Variants in SNX16 observed in about 807,000 individuals in gnomAD.
SNX16 encodes sorting nexin 16, also known as sorting nexin-16.
Under a neutral mutation model 36.7 loss-of-function variants are expected in SNX16, and 35 were observed. The observed-to-expected ratio is 0.95, with a 90% confidence interval of 0.73 to 1.27. The LOEUF (loss-of-function observed/expected upper bound fraction) is 1.27. Ranked by LOEUF, SNX16 falls within the 50% of genes most tolerant of loss-of-function variation. SNX16 has a pLI of 0.00. For synonymous variants in SNX16, 134 were observed against 132.0 expected (o/e 1.02, Z -0.10); for missense variants, 367 against 393.6 (o/e 0.93, Z 0.57).
intron 5 of SNX16, among the ~76,000 whole-genome samples, chr8:81,806,870 C>G (rs1379920811): frequency 6.6e-6 from 1 of 150,812 alleles, no homozygotes; most frequent in Non-Finnish European, 1.5e-5. Flanking sequence ...ATAAAAATAC[C>G]AATTATTTCA....
chr8:81,819,044 T>C lies in SNX16; in HGVS notation c.612-3650A>G, dbSNP rs1292660834. 2.0e-5 allele frequency among the ~76,000 whole-genome samples: 3 copies of C among 152,138 alleles called. No individual in the cohort carries two copies. The East Asian group carries it at 5.8e-4, about 29-fold the overall frequency. On this transcript the variant is annotated intron_variant, in intron 4 of 7. Coordinates refer to ENST00000345957, the MANE Select transcript of SNX16 (RefSeq NM_152836.3). ...TTTTCTTTAAAGCCATGAACTGCTA[T>C]TAATCCAGATCCATCCTGAACTTTA...
chr8:81,802,353 A>C (rs764872510), intron 7 of SNX16, 27 bp downstream of exon 7: 6 of 1,561,486 alleles, frequency 3.8e-6, no homozygotes, highest in Non-Finnish European at 2.6e-6. Flanking sequence ...TCAAGAATTA[A>C]GCTATCATAA....
intron 4 of SNX16, chr8:81,815,843 G>A (rs1015529066): frequency 6.5e-6 from 1 of 153,298 alleles, no homozygotes; most frequent in Non-Finnish European, 1.5e-5. Context: ...GACTGACCTT[G>A]CAATCATGTT....
At chr8:81,833,255 A>G (rs1231791027) in intron 2 of SNX16, among the ~76,000 whole-genome samples, 3 of 151,870 alleles carry the variant, frequency 2.0e-5, no homozygotes, top group African/African-American at 7.3e-5. Flanking sequence ...CTTCTATTGG[A>G]CAGTGCTGCC....
chr8:81,810,323 CAG>C (rs1224437660), intron 5 of SNX16, among the ~76,000 whole-genome samples: 1 of 151,984 alleles, frequency 6.6e-6, no homozygotes, highest in African/African-American at 2.4e-5. Context: ...AAATAGGGAA[CAG>C]AGAAAAGTAG....
intron 5 of SNX16, among the ~76,000 whole-genome samples, chr8:81,806,960 A>C (rs1002458235): frequency 6.7e-6 from 1 of 148,990 alleles, no homozygotes; most frequent in African/African-American, 2.5e-5. Context: ...TTAAAAAAAA[A>C]CCCTCCATAT....
intron 2 of SNX16, among the ~76,000 whole-genome samples, chr8:81,832,669 T>C (rs1811321390): frequency 6.6e-6 from 1 of 151,880 alleles, no homozygotes; most frequent in Non-Finnish European, 1.5e-5. Flanking sequence ...GTAGAAAAAC[T>C]TGGTTGAAGC....
At chr8:81,816,190 T>G (rs1322211036) in intron 4 of SNX16, among the ~76,000 whole-genome samples, 1 of 151,444 alleles carries the variant, frequency 6.6e-6, no homozygotes, top group African/African-American at 2.4e-5. Context: ...TCTTTTTTTT[T>G]TTTTTTAAGA....
chr8:81,814,010 T>C (rs1413918348), intron 5 of SNX16, among the ~76,000 whole-genome samples: 1 of 152,048 alleles, frequency 6.6e-6, no homozygotes, highest in East Asian at 1.9e-4. Context: ...CTTTATTGGT[T>C]TCTTTAAAAA....
At chr8:81,815,099 CT>C (rs1810421650) in intron 5 of SNX16, 1 of 233,526 alleles carries the variant, frequency 4.3e-6, no homozygotes, top group South Asian at 1.6e-4. Flanking sequence ...AATTTTAGAG[CT>C]TTATTGACTA....
In SNX16 at chr8:81,839,661, G is replaced by A. The variant is rs1811647553; in HGVS notation, c.326C>T (p.Thr109Ile). 1 of 1,613,800 alleles carries A rather than the reference G, an allele frequency of 6.2e-7. No homozygotes were observed. The highest frequency in any genetic ancestry group is 2.2e-5 in the East Asian group (1 of 44,860). The change falls in exon 2 of 8, where the codon ACA becomes ATA. Residue 109 changes from threonine to isoleucine, a missense_variant. Coordinates refer to ENST00000345957, the MANE Select transcript of SNX16 (RefSeq NM_152836.3). ...ETVNWEDRPS[T>I]PTILGYEVME... is the part of the protein sequence containing the mutation. ...CACTTCATAACCCAGTATAGTAGGT[G>A]TAGATGGTCTATCTTCCCAATTCAC...
At position 81,802,534 on chromosome 8, in the gene SNX16, T is replaced by C. The variant is rs781152016; in HGVS notation, c.819-35A>G. 14 of 1,576,572 alleles carry C rather than the reference T, an allele frequency of 8.9e-6. No homozygotes were observed. The South Asian group carries it at 1.4e-4, about 15-fold the overall frequency. ...TGTTATAGCAACAAGTTATTTTCTA[T>C]GAACAAAACAGGCATATGTTTAATG... On this transcript the variant is annotated intron_variant, in intron 6 of 7. Coordinates refer to ENST00000345957, the MANE Select transcript of SNX16 (RefSeq NM_152836.3).
chr8:81,803,008 A>G, intron 6 of SNX16, 84 bp downstream of exon 6: 2 of 1,227,472 alleles, frequency 1.6e-6, no homozygotes, highest in Admixed American at 2.9e-5. Context: ...AAATTCCTAA[A>G]TCATATTAAA....
chr8:81,840,285 C>G, intron 1 of SNX16: 1 of 246,204 alleles, frequency 4.1e-6, no homozygotes, highest in Non-Finnish European at 7.8e-6. Flanking sequence ...TTCCTTGACT[C>G]CATGTTACAT....
intron 4 of SNX16, among the ~76,000 whole-genome samples, chr8:81,819,605 T>G (rs1810642478): frequency 1.3e-5 from 2 of 152,062 alleles, no homozygotes; most frequent in Non-Finnish European, 2.9e-5. Context: ...GGGGTATGTC[T>G]TCTTTCTATT....
rs1212516323 is a variant in SNX16, at chr8:81,801,320, CA to C, written c.*176del. 1.2e-5 allele frequency: 5 copies of C among 410,406 alleles called. No homozygotes were observed. Among genetic ancestry groups the C allele is most frequent in the African/African-American group, 2.1e-5 (1 of 48,366 alleles). 25.4% of individuals were successfully genotyped at this position (410,406 alleles called of 1,614,324 possible). A position where few individuals can be genotyped will look rare whatever the true frequency, so the allele number is the denominator to read the frequency against. ...TTGGATAAAATACAATTAAAAGCAGCAGTGAATATATTTCCTATCTCAATAA... is the reference window on the plus strand; with the variant it reads ...TTGGATAAAATACAATTAAAAGCAGCGTGAATATATTTCCTATCTCAATAA... On this transcript the variant is annotated 3_prime_UTR_variant, in exon 8 of 8. Transcript: ENST00000345957.
chr8:81,823,722 A>T, intron 4 of SNX16, 70 bp downstream of exon 4: 1 of 1,348,924 alleles, frequency 7.4e-7, no homozygotes, highest in Non-Finnish European at 1.0e-6. Context: ...CTATGATCAT[A>T]GATTTATTCT....
At chr8:81,809,882 G>A (rs1810151556) in intron 5 of SNX16, among the ~76,000 whole-genome samples, 1 of 152,150 alleles carries the variant, frequency 6.6e-6, no homozygotes, top group African/African-American at 2.4e-5. Context: ...CCCCAGTGAG[G>A]GAGGTACCTT....
At chr8:81,838,428 GTGAAATTAGTA>G (rs1811591073) in intron 2 of SNX16, among the ~76,000 whole-genome samples, 1 of 152,052 alleles carries the variant, frequency 6.6e-6, no homozygotes, top group Non-Finnish European at 1.5e-5. Flanking sequence ...TTAAGACAGT[GTGAAATTAGTA>G]AAGGATGAAA....
Sources: allele counts gnomAD v4.1 joint callset (sites outside exome capture counted in the v4.1 genomes callset), GRCh38; gene constraint gnomAD v4.1.1; transcripts MANE v1.5; gene names NCBI Gene and HGNC (gene_info 2026-07-23, HGNC 2026-07-21).